Variants in SPATS2 observed in about 807,000 individuals in gnomAD.
The protein encoded by SPATS2 is spermatogenesis-associated serine-rich protein 2.
In SPATS2, 38 loss-of-function variants were observed where a neutral mutation model predicts 63.7. The ratio of observed to expected loss-of-function variants is 0.60; its 90% CI spans 0.46 to 0.78. The LOEUF (loss-of-function observed/expected upper bound fraction) is 0.78, where lower values mean the gene tolerates loss of function less well. Ranked by LOEUF, SPATS2 falls within the 30% of genes least tolerant of loss-of-function variation. The pLI is 0.00. For missense variants in SPATS2, 588 were observed against 666.2 expected (o/e 0.88, Z 1.29); for synonymous variants, 207 against 232.9 (o/e 0.89, Z 1.01).
In SPATS2 at chr12:49,490,712, C is replaced by G. The variant is rs1946367465; in HGVS notation, c.245C>G (p.Thr82Arg). The G allele has an allele frequency of 3.1e-6, 5 of 1,613,504 alleles. No homozygotes were observed. The highest frequency in any genetic ancestry group is 1.3e-5 in the African/African-American group (1 of 74,808). Residue 82 changes from threonine to arginine, a missense_variant, in exon 6 of 14, where the codon ACA becomes AGA. Transcript: ENST00000552918. ...GCCAGTGAAGTACTCAAAGAATGGA[C>G]AGTAACAGGCAAGAAAAAGGTAAAA... Reference protein sequence around the residue: ...GSASEVLKEWTVTGKKKNKKK... With the variant: ...GSASEVLKEWRVTGKKKNKKK...
At chr12:49,473,909 G>A (rs898564134) in intron 3 of SPATS2, among the ~76,000 whole-genome samples, 10 of 152,172 alleles carry the variant, frequency 6.6e-5, no homozygotes, top group Admixed American at 1.3e-4. Flanking sequence ...GTATTAGTCC[G>A]TTTTCCTGCT....
chr12:49,416,270 G>T (rs1253309167), intron 2 of SPATS2, among the ~76,000 whole-genome samples: 1 of 152,024 alleles, frequency 6.6e-6, no homozygotes, highest in Non-Finnish European at 1.5e-5. Context: ...CGTCTCTTAT[G>T]CAGTTGGAGA....
chr12:49,526,659 A>G lies in SPATS2; in HGVS notation c.*404A>G, dbSNP rs1467736126. ...GTTCCCTTCTAACAACTATTTGACC[A>G]AGAGAGGCAATCAGGGGGTTGTATA... On this transcript the variant is annotated 3_prime_UTR_variant, in exon 14 of 14. Transcript: ENST00000552918. The G allele has an allele frequency of 1.1e-5, 2 of 184,258 alleles. No individual in the cohort carries two copies. The highest frequency in any genetic ancestry group is 1.1e-5 in the Non-Finnish European group (1 of 88,190). The allele number at this position is 184,258 out of a possible 1,614,324, so 11.4% of individuals were successfully genotyped here.
At chr12:49,422,854 G>A (rs1945006932) in intron 2 of SPATS2, among the ~76,000 whole-genome samples, 1 of 151,904 alleles carries the variant, frequency 6.6e-6, no homozygotes, top group Non-Finnish European at 1.5e-5. Flanking sequence ...GGAGGTTACA[G>A]TGAGCCAAGA....
chr12:49,526,123 A>G lies in SPATS2; in HGVS notation c.1506A>G (p.Arg502=). The G allele has an allele frequency of 6.2e-7, 1 of 1,614,232 alleles. No homozygotes were observed. The highest frequency in any genetic ancestry group is 8.5e-7 in the Non-Finnish European group (1 of 1,180,036). The change falls in exon 14 of 14, where the codon AGA becomes AGG. Residue 502 remains arginine (R), a synonymous_variant. Transcript: ENST00000552918. The part of the protein sequence containing the change: ...PSQAPGNTIE[R]GQTHSAGTNG... ...AGGCACCAGGAAACACCATTGAAAG[A>G]GGCCAGACTCACTCTGCAGGGACCA... is the stretch of plus-strand genomic sequence containing the variant.
intron 2 of SPATS2, among the ~76,000 whole-genome samples, chr12:49,406,209 G>T (rs1049371887): frequency 1.3e-5 from 2 of 151,886 alleles, no homozygotes; most frequent in African/African-American, 2.4e-5. Context: ...TGACATATAT[G>T]TACAGTTGTT....
At chr12:49,383,869 G>A (rs989010806) in intron 2 of SPATS2, among the ~76,000 whole-genome samples, 2 of 152,142 alleles carry the variant, frequency 1.3e-5, no homozygotes, top group Non-Finnish European at 2.9e-5. Context: ...TGCTAGAAGT[G>A]AATTGCTAGG....
At chr12:49,504,681 A>G (rs1036074429) in intron 9 of SPATS2, among the ~76,000 whole-genome samples, 4 of 147,394 alleles carry the variant, frequency 2.7e-5, no homozygotes, top group African/African-American at 5.0e-5. Context: ...ATGTAAGTTT[A>G]TGGTTAAGGT....
chr12:49,413,539 C>T (rs1352859305), intron 2 of SPATS2, among the ~76,000 whole-genome samples: 2 of 151,886 alleles, frequency 1.3e-5, no homozygotes, highest in African/African-American at 2.4e-5. Flanking sequence ...CGTCATATTC[C>T]AAGGGTACTT....
intron 9 of SPATS2, among the ~76,000 whole-genome samples, chr12:49,510,764 A>G (rs1264836404): frequency 6.6e-6 from 1 of 152,160 alleles, no homozygotes; most frequent in Non-Finnish European, 1.5e-5. Context: ...TTTGGTACCA[A>G]TGAATTATTG....
At chr12:49,415,828 T>C (rs1201029511) in intron 2 of SPATS2, among the ~76,000 whole-genome samples, 1 of 152,174 alleles carries the variant, frequency 6.6e-6, no homozygotes, top group Non-Finnish European at 1.5e-5. Context: ...AATAAAACTT[T>C]ATTTACAAAA....
At chr12:49,513,715 T>G (rs1370795205) in intron 9 of SPATS2, among the ~76,000 whole-genome samples, 1 of 152,214 alleles carries the variant, frequency 6.6e-6, no homozygotes, top group Non-Finnish European at 1.5e-5. Context: ...AAAATGTAAG[T>G]GGACTTGGTG....
intron 9 of SPATS2, among the ~76,000 whole-genome samples, chr12:49,509,152 C>G (rs1457461795): frequency 6.6e-6 from 1 of 151,804 alleles, no homozygotes; most frequent in African/African-American, 2.4e-5. Context: ...ATCATTGAGT[C>G]ACATGATCTC....
At chr12:49,457,197 TGGG>T (rs1945734014) in intron 2 of SPATS2, among the ~76,000 whole-genome samples, 1 of 152,200 alleles carries the variant, frequency 6.6e-6, no homozygotes, top group Non-Finnish European at 1.5e-5. Flanking sequence ...TTTTCCAGGT[TGGG>T]TTCTTCATCT....
intron 2 of SPATS2, among the ~76,000 whole-genome samples, chr12:49,432,732 C>T (rs1234662619): frequency 6.6e-6 from 1 of 152,186 alleles, no homozygotes; most frequent in African/African-American, 2.4e-5. Context: ...AAGGTTCCTC[C>T]ATGTTGTAGC....
chr12:49,469,663 G>A, intron 3 of SPATS2: 1 of 379,648 alleles, frequency 2.6e-6, no homozygotes, highest in Non-Finnish European at 5.1e-6. Flanking sequence ...GGCTGAGGCG[G>A]GCAGATCACT....
At chr12:49,454,591 A>G (rs1332884658) in intron 2 of SPATS2, among the ~76,000 whole-genome samples, 1 of 152,202 alleles carries the variant, frequency 6.6e-6, no homozygotes, top group East Asian at 1.9e-4. Flanking sequence ...GTTTAAAAAT[A>G]TCCATTATGG....
At chr12:49,394,966 A>G (rs1025026739) in intron 2 of SPATS2, among the ~76,000 whole-genome samples, 1 of 151,932 alleles carries the variant, frequency 6.6e-6, no homozygotes, top group African/African-American at 2.4e-5. Context: ...CCAGCTACTC[A>G]GGAGACTGAG....
chr12:49,435,087 G>T (rs567594952), intron 2 of SPATS2, among the ~76,000 whole-genome samples: 43 of 142,160 alleles, frequency 3.0e-4, no homozygotes, highest in African/African-American at 1.1e-3. Context: ...TTGGAGTGCA[G>T]TGGCGCAATC....
Sources: gnomAD v4.1 joint callset for allele counts (sites outside exome capture counted in the v4.1 genomes callset) on GRCh38, gnomAD v4.1.1 for gene constraint, MANE v1.5 for transcripts, NCBI Gene and HGNC (gene_info 2026-07-23, HGNC 2026-07-21) for gene names.